FCRL3: variants seen among roughly 807,000 people sequenced by gnomAD.
FCRL3 encodes Fc receptor-like protein 3.
In FCRL3, 89 loss-of-function variants were observed where a neutral mutation model predicts 75.0. The observed-to-expected ratio is 1.19, with a 90% CI of 1.00 to 1.42. FCRL3 has a LOEUF of 1.42. Ranked by LOEUF, FCRL3 falls within the 40% of genes most tolerant of loss-of-function variation. The pLI is 0.00. For synonymous variants in FCRL3, 376 were observed against 348.5 expected (o/e 1.08, Z -0.88); for missense variants, 946 against 880.0 (o/e 1.07, Z -0.95).
chr1:157,700,768 G>A lies in FCRL3; in HGVS notation c.-203C>T. On this transcript the variant is annotated 5_prime_UTR_variant, in exon 1 of 15. Coordinates refer to ENST00000368184, the MANE Select transcript of FCRL3 (RefSeq NM_052939.4). ...TCTCAGGAGTAATGTCTCCAAGACT[G>A]TGCCTGGGTTCTCTAGAAATATCAA... 1 of 1,282,836 alleles carries A rather than the reference G, an allele frequency of 7.8e-7. No individual in the cohort carries two copies. Among genetic ancestry groups the A allele is most frequent in the Non-Finnish European group, 9.9e-7 (1 of 1,006,208 alleles). The allele number at this position is 1,282,836 out of a possible 1,614,324, so 79.5% of individuals were successfully genotyped here. A position where few individuals can be genotyped will look rare whatever the true frequency, so the allele number is the denominator to read the frequency against.
rs1654631079 is a variant in FCRL3 at position 157,678,852 on chromosome 1, A to G, written c.2063T>C (p.Leu688Pro). The G allele has an allele frequency of 1.2e-6, 2 of 1,613,896 alleles. No individual in the cohort carries two copies. Among genetic ancestry groups the G allele is most frequent in the South Asian group, 2.2e-5 (2 of 91,084 alleles). Reference sequence around the variant, plus strand: ...CTTCAGTTCTGAATAGAGGACTGTAAGTTCCTGGTAGAAAAAAACACAAAA... The same window carrying G: ...CTTCAGTTCTGAATAGAGGACTGTAGGTTCCTGGTAGAAAAAAACACAAAA... ...CPMMHQEHEE[L>P]TVLYSELKKT... The change falls in exon 15 of 15, where the codon CTT becomes CCT. Residue 688 changes from leucine (L) to proline (P), a missense_variant. Leu to Pro is a moderately conservative substitution (Grantham distance 98, BLOSUM62 -3). Transcript: ENST00000368184.
At chr1:157,682,276 T>G (rs919383980) in intron 11 of FCRL3, among the ~76,000 whole-genome samples, 2 of 152,212 alleles carry the variant, frequency 1.3e-5, no homozygotes, top group Non-Finnish European at 2.9e-5. Flanking sequence ...TTTTGGCTTT[T>G]GTTGCCATTG....
chr1:157,683,160 C>A, intron 11 of FCRL3, 57 bp downstream of exon 11: 2 of 1,576,142 alleles, frequency 1.3e-6, no homozygotes, highest in Non-Finnish European at 1.7e-6. Flanking sequence ...ATAAACAAGT[C>A]TCGTGCATAT....
intron 2 of FCRL3, 103 bp from the exon 3 acceptor site, chr1:157,699,815 CT>C: frequency 2.4e-6 from 3 of 1,261,468 alleles, no homozygotes; most frequent in Non-Finnish European, 3.4e-6. Context: ...TCTTTGCTCC[CT>C]TTTTATATCA....
chr1:157,688,025 A>G (rs1407324822), intron 10 of FCRL3, among the ~76,000 whole-genome samples: 2 of 152,182 alleles, frequency 1.3e-5, no homozygotes, highest in African/African-American at 4.8e-5. Context: ...AAAATAAGTC[A>G]AAGTAAAGCA....
chr1:157,699,488 C>T (rs3761959), intron 3 of FCRL3, among the ~76,000 whole-genome samples: 73,150 of 149,406 alleles, frequency 0.49, 18,368 homozygotes, highest in African/African-American at 0.63. Context: ...TGAGGAATAC[C>T]GGTAATGTAG....
chr1:157,680,906 C>A, intron 12 of FCRL3, 75 bp downstream of exon 12: 1 of 1,445,456 alleles, frequency 6.9e-7, no homozygotes, highest in East Asian at 2.3e-5. Context: ...TGTGACAGGG[C>A]CATGGGCTGT....
Position 157,698,577 on chromosome 1 carries a change from G to A in FCRL3, c.105C>T (p.Phe35=). 6.2e-7 allele frequency: 1 copy of A among 1,613,972 alleles called. No homozygotes were observed. Among genetic ancestry groups the A allele is most frequent in the South Asian group, 1.1e-5 (1 of 91,072 alleles). Residue 35 remains phenylalanine (F), a synonymous_variant, in exon 4 of 15, where the codon TTC becomes TTT. Transcript: ENST00000368184. ...ATATGAGAGCCACTTTTTCTCCTTT[G>A]AAGGCTGTGGACCATGGAGGATTGA... ...LLLNPPWSTA[F]KGEKVALICS...
At chr1:157,692,527 T>G (rs1655616386) in intron 8 of FCRL3, among the ~76,000 whole-genome samples, 1 of 152,234 alleles carries the variant, frequency 6.6e-6, no homozygotes, top group Non-Finnish European at 1.5e-5. Flanking sequence ...TGAGCCACTG[T>G]GCCTGGCCAA....
intron 7 of FCRL3, 108 bp from the exon 8 acceptor site, chr1:157,695,715 G>A (rs1251133517): frequency 1.3e-5 from 16 of 1,274,890 alleles, no homozygotes; most frequent in African/African-American, 1.5e-5. Context: ...GATTGTTTCT[G>A]TTTCCCCACT....
intron 6 of FCRL3, 72 bp downstream of exon 6, chr1:157,697,068 G>T (rs1318940997): frequency 1.5e-6 from 2 of 1,311,206 alleles, no homozygotes; most frequent in South Asian, 5.3e-5. Context: ...ACCATCCTAG[G>T]GGTGCAGGAG....
At position 157,695,360 on chromosome 1, in the gene FCRL3, C is replaced by G; in HGVS notation, c.1380G>C (p.Gln460His). The G allele has an allele frequency of 1.2e-6, 2 of 1,614,020 alleles. No homozygotes were observed. The highest frequency in any genetic ancestry group is 1.7e-6 in the Non-Finnish European group (2 of 1,179,912). Residue 460 changes from glutamine to histidine, a missense_variant, in exon 8 of 15, where the codon CAG (glutamine) becomes CAC (histidine). Gln to His is a conservative substitution (Grantham distance 24). Transcript: ENST00000368184. ...SCDADNGLGA[Q>H]HSHGVSLRVT... is the part of the protein sequence containing the mutation. ...CCCTGAGACTCACTCCATGACTGTG[C>G]TGGGCCCCCAGGCCATTGTCTGCAT...
chr1:157,679,992 G>T (rs1654735714), intron 13 of FCRL3, among the ~76,000 whole-genome samples: 2 of 152,198 alleles, frequency 1.3e-5, no homozygotes, highest in East Asian at 3.9e-4. Context: ...TTACCATAAA[G>T]AATAAATGTC....
In FCRL3 at chr1:157,697,293, C is replaced by A. The variant is rs149249986; in HGVS notation, c.691G>T (p.Asp231Tyr). ...CAGCCCAATCCGAGGGTCTGGCTAT[C>A]TCTGAAGAGGGAGAATTGCAGCTGG... is the stretch of plus-strand genomic sequence containing the variant. ...DVQLQFSLFR[D>Y]SQTLGLGWSR... The change falls in exon 6 of 15, where the codon GAT becomes TAT. Residue 231 changes from aspartate (D) to tyrosine (Y), a missense_variant. Transcript: ENST00000368184. 2 of 1,612,648 alleles carry A rather than the reference C, an allele frequency of 1.2e-6. No individual in the cohort carries two copies. Among genetic ancestry groups the A allele is most frequent in the African/African-American group, 2.7e-5 (2 of 74,908 alleles).
chr1:157,676,886 GAGCCTCCATATAC>G lies in FCRL3; in HGVS notation c.*1811_*1823del, dbSNP rs1241830549. The G allele has an allele frequency of 1.3e-6, 2 of 1,505,060 alleles. No homozygotes were observed. The highest frequency in any genetic ancestry group is 1.8e-6 in the Non-Finnish European group (2 of 1,128,892). 93.2% of individuals were successfully genotyped at this position (1,505,060 alleles called of 1,614,324 possible). On this transcript the variant is annotated 3_prime_UTR_variant, in exon 15 of 15. Transcript: ENST00000368184. ...TCAGCAGCAGGGTTAGAAAGGAGGAGAGCCTCCATATACAGCCTGGTGGTTGGTACCCAAAACC... is the reference window on the plus strand; with the variant it reads ...TCAGCAGCAGGGTTAGAAAGGAGGAGAGCCTGGTGGTTGGTACCCAAAACC...
At chr1:157,696,921 T>C (rs1291716753) in intron 6 of FCRL3, 1 of 379,130 alleles carries the variant, frequency 2.6e-6, no homozygotes, top group Non-Finnish European at 4.6e-6. Flanking sequence ...CCCCATAGGG[T>C]TGGGCAATCA....
At chr1:157,691,554 G>A (rs1334449182) in intron 8 of FCRL3, among the ~76,000 whole-genome samples, 1 of 152,224 alleles carries the variant, frequency 6.6e-6, no homozygotes, top group Non-Finnish European at 1.5e-5. Flanking sequence ...GCCTCATCAG[G>A]ATAGAGGTGC....
chr1:157,690,514 G>C lies in FCRL3; in HGVS notation c.1431C>G (p.Val477=). Residue 477 remains valine, a synonymous_variant, in exon 9 of 15, where the codon GTC becomes GTG. Transcript: ENST00000368184. The stretch of plus-strand genomic sequence containing the variant: ...GGGCCCCGGGAGCCCTGAGGGTGAG[G>C]ACGGGGCGAGACACCGGAACTGAGG... ...LRVTVPVSRP[V]LTLRAPGAQA... The C allele has an allele frequency of 6.2e-7, 1 of 1,614,112 alleles. No homozygotes were observed. The highest frequency in any genetic ancestry group is 2.2e-5 in the East Asian group (1 of 44,894).
At chr1:157,685,480 T>C (rs1655120185) in intron 10 of FCRL3, among the ~76,000 whole-genome samples, 1 of 152,068 alleles carries the variant, frequency 6.6e-6, no homozygotes, top group African/African-American at 2.4e-5. Context: ...CACACAATAA[T>C]AGTGGGAGAT....
Sources: gnomAD v4.1 joint callset for allele counts (sites outside exome capture counted in the v4.1 genomes callset) on GRCh38, gnomAD v4.1.1 for gene constraint, MANE v1.5 for transcripts, NCBI Gene and HGNC (gene_info 2026-07-23, HGNC 2026-07-21) for gene names.